PPP2R2B: variants seen among roughly 807,000 people sequenced by gnomAD.
PPP2R2B encodes the protein protein phosphatase 2 regulatory subunit Bbeta, also known as serine/threonine-protein phosphatase 2A 55 kDa regulatory subunit B beta isoform.
A neutral mutation model predicts 46.0 loss-of-function variants in PPP2R2B; 5 were observed. That is an observed-to-expected ratio of 0.11 (90% CI 0.06 to 0.23). PPP2R2B has a LOEUF of 0.23. Ranked by LOEUF, PPP2R2B falls within the 10% of genes least tolerant of loss-of-function variation. The probability of loss-of-function intolerance (pLI) is 1.00; values close to 1 mark genes in which losing one functional copy is unlikely to be tolerated. For synonymous variants in PPP2R2B, 215 were observed against 206.7 expected (o/e 1.04, Z -0.34); for missense variants, 367 against 575.0 (o/e 0.64, Z 3.70).
chr5:146,799,328 G>A (rs948407203), intron 2 of PPP2R2B, among the ~76,000 whole-genome samples: 3 of 152,232 alleles, frequency 2.0e-5, no homozygotes, highest in African/African-American at 7.2e-5. Context: ...TGCTGCTGGT[G>A]ATAGTGGGGA....
At chr5:146,879,806 G>A (rs319210), upstream of PPP2R2B, among the ~76,000 whole-genome samples, 1 of 152,114 alleles carries the variant, frequency 6.6e-6, no homozygotes, top group Non-Finnish European at 1.5e-5. Flanking sequence ...ACCCCAATCA[G>A]TAGAAAGCCA....
intron 1 of PPP2R2B, among the ~76,000 whole-genome samples, chr5:147,022,075 T>G (rs183936088): frequency 5.3e-5 from 8 of 151,818 alleles, no homozygotes; most frequent in African/African-American, 1.7e-4. Context: ...ACAAAATAAG[T>G]TAAAAAAACA....
chr5:146,695,832 A>G (rs915359432), intron 4 of PPP2R2B, among the ~76,000 whole-genome samples: 1 of 152,062 alleles, frequency 6.6e-6, no homozygotes, highest in African/African-American at 2.4e-5. Flanking sequence ...TAACTTTTGC[A>G]TGTTAACCTA....
At chr5:146,734,014 T>C (rs1243353520) in intron 2 of PPP2R2B, among the ~76,000 whole-genome samples, 2 of 151,988 alleles carry the variant, frequency 1.3e-5, no homozygotes, top group African/African-American at 4.8e-5. Context: ...GTGCTTTACA[T>C]ATATTACCTC....
chr5:146,622,192 CTT>C (rs1224405321), intron 7 of PPP2R2B, among the ~76,000 whole-genome samples: 1 of 152,166 alleles, frequency 6.6e-6, no homozygotes, highest in Non-Finnish European at 1.5e-5. Context: ...AGATCTTTGA[CTT>C]TGTGTAAACA....
chr5:146,797,086 G>T (rs779650107), intron 2 of PPP2R2B, among the ~76,000 whole-genome samples: 2 of 152,088 alleles, frequency 1.3e-5, no homozygotes, highest in Non-Finnish European at 2.9e-5. Flanking sequence ...GCATGAAAGT[G>T]CTCCACCATG....
At chr5:146,644,342 C>G (rs1775439081) in intron 6 of PPP2R2B, among the ~76,000 whole-genome samples, 1 of 151,346 alleles carries the variant, frequency 6.6e-6, no homozygotes, top group African/African-American at 2.4e-5. Context: ...TTTATTTCCC[C>G]CTGAACCCAC....
At chr5:146,891,753 T>A (rs185270492) in intron 1 of PPP2R2B, among the ~76,000 whole-genome samples, 2 of 152,272 alleles carry the variant, frequency 1.3e-5, no homozygotes, top group African/African-American at 4.8e-5. Flanking sequence ...AGGCATCTAG[T>A]GGAATGAGAA....
intron 1 of PPP2R2B, among the ~76,000 whole-genome samples, chr5:147,043,587 A>G (rs185448779): frequency 5.1e-4 from 78 of 152,286 alleles, no homozygotes; most frequent in African/African-American, 1.8e-3. Flanking sequence ...CAGCCTTAGC[A>G]AACTAATACA....
intron 2 of PPP2R2B, among the ~76,000 whole-genome samples, chr5:146,820,810 G>T (rs138119886): frequency 6.6e-6 from 1 of 152,006 alleles, no homozygotes; most frequent in East Asian, 1.9e-4. Flanking sequence ...GACTCCATCC[G>T]TCAAATTGCC....
intron 1 of PPP2R2B, among the ~76,000 whole-genome samples, chr5:146,965,501 G>C (rs2151844728): frequency 6.6e-6 from 1 of 152,242 alleles, no homozygotes; most frequent in South Asian, 2.1e-4. Context: ...CCGTGAAAAA[G>C]AAAATAATGA....
At chr5:146,954,271 C>T (rs1204364509) in intron 1 of PPP2R2B, among the ~76,000 whole-genome samples, 1 of 152,050 alleles carries the variant, frequency 6.6e-6, no homozygotes, top group Non-Finnish European at 1.5e-5. Context: ...AACTACTGCT[C>T]TGCTAAAATG....
chr5:146,971,106 A>G (rs1752642700), intron 1 of PPP2R2B, among the ~76,000 whole-genome samples: 1 of 152,212 alleles, frequency 6.6e-6, no homozygotes, highest in African/African-American at 2.4e-5. Context: ...CAGGTTAATG[A>G]TAACTTTTTG....
rs1186775342 is a variant in PPP2R2B, at chr5:146,985,044, G to A, written c.79+70621C>T. 2.3e-4 allele frequency among the ~76,000 whole-genome samples: 30 copies of A among 128,244 alleles called. No homozygotes were observed. In the East Asian group the frequency reaches 2.5e-3, roughly 11 times the overall value. 84.1% of individuals were successfully genotyped at this position (128,244 alleles called of 152,430 possible). A position where few individuals can be genotyped will look rare whatever the true frequency, so the allele number is the denominator to read the frequency against. On this transcript the variant is annotated intron_variant, in intron 1 of 8. Coordinates refer to the PPP2R2B transcript ENST00000336640. The stretch of plus-strand genomic sequence containing the variant: ...TTTTTTTTTTTTTTTTTTTTGAGAC[G>A]GAGTCTCACTCTGTCAACCAGGCTG...
chr5:146,745,519 A>T (rs964389026), intron 2 of PPP2R2B, among the ~76,000 whole-genome samples: 1 of 152,234 alleles, frequency 6.6e-6, no homozygotes, highest in Non-Finnish European at 1.5e-5. Flanking sequence ...AATCTTTAAG[A>T]ACTTACTATG....
At chr5:146,900,543 T>TTTCCTTCCGTCCTTCCTTCC in intron 1 of PPP2R2B, among the ~76,000 whole-genome samples, 1 of 80,588 alleles carries the variant, frequency 1.2e-5, no homozygotes, top group South Asian at 5.2e-4. Flanking sequence ...TTCCTTTCTT[T>TTTCCTTCCGTCCTTCCTTCC]TTCCTTCCTT....
At position 146,865,582 on chromosome 5, in the gene PPP2R2B, A is replaced by C. The variant is rs369772882; in HGVS notation, c.70+12420T>G. On this transcript the variant is annotated intron_variant, in intron 2 of 9. Coordinates refer to ENST00000394411, the MANE Select transcript of PPP2R2B (RefSeq NM_181675.4). Reference sequence around the variant, plus strand: ...AGAGCAGGGTCTACATTTAATTTTTAAATATTTTATACCTAGGTTTTTTAG... The same window carrying C: ...AGAGCAGGGTCTACATTTAATTTTTCAATATTTTATACCTAGGTTTTTTAG... Among the ~76,000 whole-genome samples the C allele has an allele frequency of 4.6e-5, 7 of 152,308 alleles. No individual in the cohort carries two copies. In the East Asian group the frequency reaches 7.7e-4, roughly 17 times the overall value.
At chr5:146,669,948 C>T (rs1833773) in intron 5 of PPP2R2B, among the ~76,000 whole-genome samples, 9,041 of 152,186 alleles carry the variant, frequency 0.059, 389 homozygotes, top group East Asian at 0.21. Context: ...AACATGAATT[C>T]CTCTTGTATT....
intron 1 of PPP2R2B, among the ~76,000 whole-genome samples, chr5:147,017,303 A>T (rs959929345): frequency 6.6e-6 from 1 of 151,590 alleles, no homozygotes; most frequent in Non-Finnish European, 1.5e-5. Flanking sequence ...ATCATAGGAC[A>T]TCTTTGAAGA....
Sources: gnomAD v4.1 joint callset for allele counts (sites outside exome capture counted in the v4.1 genomes callset) on GRCh38, gnomAD v4.1.1 for gene constraint, MANE v1.5 for transcripts, NCBI Gene and HGNC (gene_info 2026-07-23, HGNC 2026-07-21) for gene names.